Variants in SYNJ2 observed in about 807,000 individuals in gnomAD.
SYNJ2 encodes synaptojanin 2, also known as polyphosphatidylinositol phosphatase SYNJ2.
In SYNJ2, 116 loss-of-function variants were observed where a neutral mutation model predicts 141.3. The observed-to-expected ratio is 0.82, with a 90% CI of 0.71 to 0.96. The LOEUF (loss-of-function observed/expected upper bound fraction) is 0.96. Ranked by LOEUF, SYNJ2 falls within the 40% of genes least tolerant of loss-of-function variation. The pLI is 0.00. For missense variants in SYNJ2, 1,873 were observed against 1,934.8 expected (o/e 0.97, Z 0.60); for synonymous variants, 745 against 777.7 (o/e 0.96, Z 0.70).
intron 16 of SYNJ2, among the ~76,000 whole-genome samples, chr6:158,075,368 C>T (rs6917450): frequency 0.43 from 64,445 of 151,160 alleles, 13,968 homozygotes; most frequent in East Asian, 0.61. Flanking sequence ...GGGCCAGGTG[C>T]GGTGGCTCTT....
intron 21 of SYNJ2, 112 bp downstream of exon 21, chr6:158,083,709 G>T: frequency 7.2e-7 from 1 of 1,393,424 alleles, no homozygotes; most frequent in South Asian, 1.3e-5. Context: ...GACACCCGCA[G>T]GGCAAGCCCT....
chr6:157,998,984 G>A (rs556097103), intron 1 of SYNJ2, among the ~76,000 whole-genome samples: 2 of 152,280 alleles, frequency 1.3e-5, no homozygotes, highest in African/African-American at 4.8e-5. Context: ...CACCATAAAC[G>A]TAGTGAAAAG....
rs1164475814 is a variant in SYNJ2, at chr6:158,027,171, G to GA, written c.215-1582dup. Reference sequence around the variant, plus strand: ...TCTTCTCCCTATGAAGTGTGGTGAGGAAATTGGGGTGAGAGGGTGGTGGAA... The same window carrying GA: ...TCTTCTCCCTATGAAGTGTGGTGAGGAAAATTGGGGTGAGAGGGTGGTGGAA... On this transcript the variant is annotated intron_variant, in intron 2 of 26. Coordinates refer to ENST00000355585, the MANE Select transcript of SYNJ2 (RefSeq NM_003898.4). This position sits in a 1 kb window ranked among gnomAD's most constrained non-coding sequence, Gnocchi z 4.6. 3.0e-6 allele frequency: 3 copies of GA among 985,258 alleles called. No homozygotes were observed. The African/African-American group carries it at 5.2e-5, about 17-fold the overall frequency. The allele number at this position is 985,258 out of a possible 1,614,324, so 61.0% of individuals were successfully genotyped here.
Position 158,078,844 on chromosome 6 carries a change from G to A in SYNJ2, c.2567+563G>A, listed in dbSNP as rs1380068058. 1.3e-4 allele frequency: 20 copies of A among 149,542 alleles called. No homozygotes were observed. In the Admixed American group the frequency reaches 1.3e-3, roughly 10 times the overall value. 9.3% of individuals were successfully genotyped at this position (149,542 alleles called of 1,614,324 possible). On this transcript the variant is annotated intron_variant, in intron 18 of 26. Coordinates refer to ENST00000355585, the MANE Select transcript of SYNJ2 (RefSeq NM_003898.4). ...CTTGCTCTATTGCCCAGGCTGGATG[G>A]AGTACAGTGGTGTGATCTCAGCTCA...
At chr6:158,067,884 G>A (rs1706717217) in intron 12 of SYNJ2, 4 of 985,278 alleles carry the variant, frequency 4.1e-6, no homozygotes, top group Non-Finnish European at 4.8e-6. Flanking sequence ...CATCAACGCG[G>A]AGAGTGCTTA....
At chr6:158,023,832 G>A (rs574793234) in intron 2 of SYNJ2, among the ~76,000 whole-genome samples, 7 of 152,240 alleles carry the variant, frequency 4.6e-5, no homozygotes, top group East Asian at 1.9e-4. Flanking sequence ...CCCCCATAAC[G>A]GAAGGAGAAT....
intron 5 of SYNJ2, among the ~76,000 whole-genome samples, chr6:158,046,880 T>C (rs1017697882): frequency 1.3e-5 from 2 of 151,110 alleles, no homozygotes; most frequent in Admixed American, 1.3e-4. Context: ...CCCCTGGTCA[T>C]TGTAGAAGCT....
At chr6:157,986,390 A>G (rs1777205877) in intron 1 of SYNJ2, among the ~76,000 whole-genome samples, 1 of 152,186 alleles carries the variant, frequency 6.6e-6, no homozygotes, top group Non-Finnish European at 1.5e-5. Context: ...CTGGAGTACA[A>G]TGGCGCAATC....
At chr6:158,087,217 A>G (rs1783108173) in intron 23 of SYNJ2, among the ~76,000 whole-genome samples, 1 of 152,080 alleles carries the variant, frequency 6.6e-6, no homozygotes, top group Non-Finnish European at 1.5e-5. Flanking sequence ...GCTGCTGTTC[A>G]CCCTGGAGCT....
chr6:158,040,848 A>C lies in SYNJ2; in HGVS notation c.712-2468A>C, dbSNP rs1430406355. On this transcript the variant is annotated intron_variant, in intron 4 of 26. Transcript: ENST00000355585. The surrounding 1 kb of genome is among the most constrained non-coding windows in gnomAD (Gnocchi z 4.2). ...GGGGTCTAGGCACTGGCCTGGCCTC[A>C]TCACAGCACTGGCACGGGCCTCCGA... Among the ~76,000 whole-genome samples the C allele has an allele frequency of 6.6e-6, 1 of 152,166 alleles. No individual in the cohort carries two copies. Among genetic ancestry groups the C allele is most frequent in the Non-Finnish European group, 1.5e-5 (1 of 68,014 alleles).
chr6:157,996,984 G>C (rs574754317), intron 1 of SYNJ2, among the ~76,000 whole-genome samples: 1 of 152,066 alleles, frequency 6.6e-6, no homozygotes, highest in African/African-American at 2.4e-5. Flanking sequence ...AGTACACCAA[G>C]GGTTGGCCTG....
Position 158,017,436 on chromosome 6 carries a change from TAG to T in SYNJ2, c.214+149_214+150del. 4 of 1,153,944 alleles carry T rather than the reference TAG, an allele frequency of 3.5e-6. No individual in the cohort carries two copies. In the South Asian group the frequency reaches 7.4e-5, roughly 21 times the overall value. The allele number at this position is 1,153,944 out of a possible 1,614,324, so 71.5% of individuals were successfully genotyped here. On this transcript the variant is annotated intron_variant, in intron 2 of 26. Transcript: ENST00000355585. ...TTTTTTTTTTTTTTTTTCTCCGAGA[TAG>T]AGTTTTGCTCTTGTTGCCCAGGCTG... is the stretch of plus-strand genomic sequence containing the variant.
chr6:158,005,704 A>C (rs941292762), intron 1 of SYNJ2, among the ~76,000 whole-genome samples: 1 of 149,186 alleles, frequency 6.7e-6, no homozygotes, highest in Non-Finnish European at 1.5e-5. Context: ...TGCTCTGTCC[A>C]CTCCCCCACC....
chr6:158,006,620 C>T (rs1035576101), intron 1 of SYNJ2, among the ~76,000 whole-genome samples: 1 of 152,200 alleles, frequency 6.6e-6, no homozygotes, highest in Non-Finnish European at 1.5e-5. Flanking sequence ...CCTCCAACCT[C>T]ATGATTATTT....
chr6:157,986,235 T>C (rs1226509843), intron 1 of SYNJ2, among the ~76,000 whole-genome samples: 8 of 152,212 alleles, frequency 5.3e-5, no homozygotes, highest in African/African-American at 1.9e-4. Flanking sequence ...GGGACCACAG[T>C]GGTCTGTCTG....
chr6:157,998,401 ATT>A (rs1777714375), intron 1 of SYNJ2, among the ~76,000 whole-genome samples: 1 of 152,252 alleles, frequency 6.6e-6, no homozygotes, highest in African/African-American at 2.4e-5. Flanking sequence ...TCCAGAGGCA[ATT>A]TGCCAATCAA....
At position 158,027,693 on chromosome 6, in the gene SYNJ2, TG is replaced by T. The variant is rs1256109774; in HGVS notation, c.215-1059del. 4 of 151,464 alleles carry T rather than the reference TG, an allele frequency of 2.6e-5. No homozygotes were observed. Among genetic ancestry groups the T allele is most frequent in the African/African-American group, 9.7e-5 (4 of 41,166 alleles). 9.4% of individuals were successfully genotyped at this position (151,464 alleles called of 1,614,324 possible). On this transcript the variant is annotated intron_variant, in intron 2 of 26. Transcript: ENST00000355585. This position sits in a 1 kb window ranked among gnomAD's most constrained non-coding sequence, Gnocchi z 4.6. ...GAAGCCCCTCCCCTGGGGGCACAGGTGGGGAGGGAGGTCATGAGCTTTGTGT... is the reference window on the plus strand; with the variant it reads ...GAAGCCCCTCCCCTGGGGGCACAGGTGGGAGGGAGGTCATGAGCTTTGTGT...
At chr6:158,093,543 T>C (rs542581677) in intron 26 of SYNJ2, among the ~76,000 whole-genome samples, 2 of 152,306 alleles carry the variant, frequency 1.3e-5, no homozygotes, top group East Asian at 1.9e-4. Flanking sequence ...AGGTGTGTCT[T>C]TGGGGAAAGT....
At chr6:158,047,632 C>T (rs1039296308) in intron 5 of SYNJ2, among the ~76,000 whole-genome samples, 1 of 151,858 alleles carries the variant, frequency 6.6e-6, no homozygotes, top group Non-Finnish European at 1.5e-5. Flanking sequence ...CAAAAATTAG[C>T]TAGGCATGGT....
Sources: allele counts gnomAD v4.1 joint callset (sites outside exome capture counted in the v4.1 genomes callset), GRCh38; gene constraint gnomAD v4.1.1; non-coding constraint Gnocchi (gnomAD v3.1); transcripts MANE v1.5; gene names NCBI Gene and HGNC (gene_info 2026-07-23, HGNC 2026-07-21).